Variants in ZFYVE9 observed in about 807,000 individuals in gnomAD.
ZFYVE9 encodes the protein zinc finger FYVE-type containing 9, also known as zinc finger FYVE domain-containing protein 9.
ZFYVE9 carries 43 observed loss-of-function variants against 126.7 expected under a neutral mutation model. The ratio of observed to expected loss-of-function variants is 0.34; its 90% CI spans 0.27 to 0.44. ZFYVE9 has a LOEUF of 0.44. ZFYVE9 is among the 20% of genes least tolerant of loss of function. The pLI, the probability that ZFYVE9 is intolerant of heterozygous loss-of-function variation, is 1.00. For synonymous variants in ZFYVE9, 521 were observed against 597.4 expected, an observed-to-expected ratio of 0.87 and a Z score of 1.87; for missense variants, 1,476 against 1,697.0, an observed-to-expected ratio of 0.87 and a Z score of 2.29.
At chr1:52,168,157 A>G (rs1454755760) in intron 1 of ZFYVE9, among the ~76,000 whole-genome samples, 4 of 151,812 alleles carry the variant, frequency 2.6e-5, no homozygotes, top group African/African-American at 9.7e-5. Flanking sequence ...GAAAATAGAA[A>G]CAAATTAAGT....
At chr1:52,318,188 A>G (rs964393876) in intron 13 of ZFYVE9, among the ~76,000 whole-genome samples, 6 of 152,204 alleles carry the variant, frequency 3.9e-5, no homozygotes, top group Non-Finnish European at 7.3e-5. Flanking sequence ...ATAAAATAAT[A>G]ATGTATATTA....
intron 7 of ZFYVE9, 87 bp downstream of exon 7, chr1:52,268,719 C>G: frequency 6.8e-7 from 1 of 1,480,638 alleles, no homozygotes; most frequent in Non-Finnish European, 9.1e-7. Flanking sequence ...GTGTGGAACT[C>G]TGTAGGTTTT....
rs150288660 is a variant in ZFYVE9, at chr1:52,144,932, T to C, written c.-143+2529T>C. 9.4e-4 allele frequency among the ~76,000 whole-genome samples: 143 copies of C among 152,370 alleles called. 2 individuals carry two copies. In the East Asian group the frequency reaches 0.024, roughly 25 times the overall value. ...TATTATAATCTGTAAAAGATTTTTA[T>C]ACAATTTTGGCTTTTAAGTGCCAGG... On this transcript the variant is annotated intron_variant, in intron 1 of 18. Transcript: ENST00000287727.
chr1:52,274,388 A>G (rs1050643957), intron 7 of ZFYVE9, 76 bp from the exon 8 acceptor site: 5 of 1,462,060 alleles, frequency 3.4e-6, no homozygotes, highest in South Asian at 1.5e-5. Flanking sequence ...TTAAGTTCCC[A>G]TTTGTATTTT....
At chr1:52,273,304 G>A (rs1221321682) in intron 7 of ZFYVE9, among the ~76,000 whole-genome samples, 1 of 152,114 alleles carries the variant, frequency 6.6e-6, no homozygotes, top group Non-Finnish European at 1.5e-5. Context: ...ACCGCACCTG[G>A]CCTCTTTTAA....
At chr1:52,250,856 G>A (rs947361745) in intron 4 of ZFYVE9, among the ~76,000 whole-genome samples, 2 of 151,564 alleles carry the variant, frequency 1.3e-5, no homozygotes, top group Non-Finnish European at 2.9e-5. Context: ...ACTAACAGGC[G>A]TGCACTACCA....
At chr1:52,151,644 T>G (rs1166656171) in intron 1 of ZFYVE9, among the ~76,000 whole-genome samples, 1 of 151,344 alleles carries the variant, frequency 6.6e-6, no homozygotes, top group Non-Finnish European at 1.5e-5. Flanking sequence ...GCCTCCCGAG[T>G]AGCTGGGACT....
chr1:52,216,499 T>C (rs1645073446), intron 2 of ZFYVE9, 25 bp downstream of exon 2: 2 of 398,330 alleles, frequency 5.0e-6, no homozygotes, highest in African/African-American at 2.1e-5. Flanking sequence ...TTATTTCTCT[T>C]AGAGATTGAA....
intron 4 of ZFYVE9, among the ~76,000 whole-genome samples, chr1:52,248,448 G>A (rs544949651): frequency 7.2e-5 from 11 of 152,216 alleles, no homozygotes; most frequent in African/African-American, 2.2e-4. Flanking sequence ...TTGAGAGTGG[G>A]TCTTCTTCTC....
intron 14 of ZFYVE9, among the ~76,000 whole-genome samples, chr1:52,333,992 C>T (rs144495923): frequency 2.0e-3 from 302 of 151,716 alleles, no homozygotes; most frequent in Middle Eastern, 0.014. Flanking sequence ...ACTCGGGAGG[C>T]TGAGGCAGGA....
At chr1:52,145,116 C>T (rs1644295351) in intron 1 of ZFYVE9, among the ~76,000 whole-genome samples, 1 of 152,188 alleles carries the variant, frequency 6.6e-6, no homozygotes, top group South Asian at 2.1e-4. Context: ...GCTTCTGTGT[C>T]TCATCTTGCC....
chr1:52,250,089 A>G (rs1645428953), intron 4 of ZFYVE9, among the ~76,000 whole-genome samples: 1 of 152,130 alleles, frequency 6.6e-6, no homozygotes, highest in Non-Finnish European at 1.5e-5. Context: ...TATTTTGGCT[A>G]TTCTGGATCC....
At chr1:52,157,568 A>AT (rs1331353194) in intron 1 of ZFYVE9, among the ~76,000 whole-genome samples, 4 of 151,094 alleles carry the variant, frequency 2.6e-5, no homozygotes, top group African/African-American at 9.7e-5. Context: ...CACCTGGCTA[A>AT]TTTTTGTATT....
At chr1:52,207,944 C>T (rs575354110) in intron 1 of ZFYVE9, among the ~76,000 whole-genome samples, 19 of 152,242 alleles carry the variant, frequency 1.2e-4, no homozygotes, top group East Asian at 3.9e-4. Context: ...AAAAATATCC[C>T]GCAAAGTATA....
At chr1:52,308,678 G>T (rs908996825) in intron 13 of ZFYVE9, among the ~76,000 whole-genome samples, 3 of 152,026 alleles carry the variant, frequency 2.0e-5, no homozygotes, top group Non-Finnish European at 2.9e-5. Context: ...CATTATTCAG[G>T]TGTCACTGTA....
chr1:52,332,731 C>T lies in ZFYVE9; in HGVS notation c.3439-37C>T, dbSNP rs191674279. ...GCACCATGTCAGACAGAAAAATGCC[C>T]ATTCTTGTCAGAATAAGGTTATCTC... On this transcript the variant is annotated intron_variant, in intron 13 of 18. Coordinates refer to ENST00000287727, the MANE Select transcript of ZFYVE9 (RefSeq NM_004799.4). 157 of 1,594,844 alleles carry T rather than the reference C, an allele frequency of 9.8e-5. No individual in the cohort carries two copies. In the African/African-American group the frequency reaches 1.8e-3, roughly 18 times the overall value.
chr1:52,327,596 T>C (rs1353972534), intron 13 of ZFYVE9, among the ~76,000 whole-genome samples: 1 of 147,708 alleles, frequency 6.8e-6, no homozygotes, highest in Non-Finnish European at 1.5e-5. Flanking sequence ...GAGGGAGACT[T>C]GTCTCAGAAA....
rs1340521980 is a variant in ZFYVE9 at position 52,142,367 on chromosome 1, C to T, written c.-179C>T. On this transcript the variant is annotated 5_prime_UTR_variant, in exon 1 of 19. Transcript: ENST00000287727. The surrounding 1 kb of genome is among the most constrained non-coding windows in gnomAD (Gnocchi z 4.5). ...AGGCTTTCGGCTCAGGGACGACCCCCGTGGCCATGCTGAAGCGGAGGCGGC... is the reference window on the plus strand; with the variant it reads ...AGGCTTTCGGCTCAGGGACGACCCCTGTGGCCATGCTGAAGCGGAGGCGGC... 1 of 151,992 alleles carries T rather than the reference C, an allele frequency of 6.6e-6. No homozygotes were observed. The highest frequency in any genetic ancestry group is 1.5e-5 in the Non-Finnish European group (1 of 68,016). 9.4% of individuals were successfully genotyped at this position (151,992 alleles called of 1,614,324 possible). A position where few individuals can be genotyped will look rare whatever the true frequency, so the allele number is the denominator to read the frequency against.
intron 2 of ZFYVE9, among the ~76,000 whole-genome samples, chr1:52,231,643 G>C (rs1024737813): frequency 3.3e-5 from 5 of 151,664 alleles, no homozygotes; most frequent in African/African-American, 1.2e-4. Flanking sequence ...CTTTTTTTGA[G>C]ATGGAGCTTC....
Sources: allele counts gnomAD v4.1 joint callset (sites outside exome capture counted in the v4.1 genomes callset), GRCh38; gene constraint gnomAD v4.1.1; non-coding constraint Gnocchi (gnomAD v3.1); transcripts MANE v1.5; gene names NCBI Gene and HGNC (gene_info 2026-07-23, HGNC 2026-07-21).